Variants in IL4R observed in about 807,000 individuals in gnomAD.
IL4R encodes the protein interleukin 4 receptor.
A neutral mutation model predicts 41.5 loss-of-function variants in IL4R; 17 were observed. The ratio of observed to expected loss-of-function variants is 0.41; its 90% CI spans 0.28 to 0.61. IL4R has a LOEUF of 0.61. Among genes scored for constraint, IL4R ranks in the 20% least tolerant of loss-of-function variants. IL4R has a pLI of 0.31. For synonymous variants in IL4R, 402 were observed against 422.9 expected (o/e 0.95, Z 0.61); for missense variants, 974 against 1,043.1 (o/e 0.93, Z 0.91).
chr16:27,325,238 T>C (rs900543520), intron 1 of IL4R, among the ~76,000 whole-genome samples: 2 of 151,944 alleles, frequency 1.3e-5, no homozygotes, highest in Non-Finnish European at 2.9e-5. Context: ...ATTCGCTGGG[T>C]CTTCCCTCAT....
intron 9 of IL4R, among the ~76,000 whole-genome samples, chr16:27,360,330 A>T (rs749554316): frequency 1.3e-5 from 2 of 152,144 alleles, no homozygotes; most frequent in African/African-American, 2.4e-5. Flanking sequence ...GCTGACTTTT[A>T]CCTGGGACAG....
chr16:27,361,447 C>CA (rs1031753622), intron 10 of IL4R, among the ~76,000 whole-genome samples: 1 of 151,252 alleles, frequency 6.6e-6, no homozygotes, highest in Non-Finnish European at 1.5e-5. Context: ...ACTCTTGTCT[C>CA]AAAAAAAATA....
intron 2 of IL4R, among the ~76,000 whole-genome samples, chr16:27,336,603 G>A (rs1458247213): frequency 2.0e-5 from 3 of 151,148 alleles, no homozygotes; most frequent in Non-Finnish European, 4.4e-5. Flanking sequence ...GCTTGAGCCC[G>A]GGAGGTGGAG....
At chr16:27,331,290 C>A (rs908199592) in intron 2 of IL4R, among the ~76,000 whole-genome samples, 3 of 152,074 alleles carry the variant, frequency 2.0e-5, no homozygotes, top group Admixed American at 1.3e-4. Context: ...GACTTCTAGA[C>A]AGATAGTAGT....
At chr16:27,325,201 G>A (rs556874236) in intron 1 of IL4R, among the ~76,000 whole-genome samples, 2 of 151,088 alleles carry the variant, frequency 1.3e-5, no homozygotes, top group African/African-American at 4.8e-5. Flanking sequence ...GGTGGGAAGT[G>A]GGCCGTGCCC....
Position 27,363,137 on chromosome 16 carries a change from G to T in IL4R, c.1785G>T (p.Leu595Phe). The T allele has an allele frequency of 1.2e-6, 2 of 1,613,714 alleles. No homozygotes were observed. Among genetic ancestry groups the T allele is most frequent in the Non-Finnish European group, 8.5e-7 (1 of 1,179,878 alleles). Residue 595 changes from leucine to phenylalanine, a missense_variant, in exon 11 of 11, where the codon TTG becomes TTT. Leu to Phe is a conservative substitution (Grantham distance 22). Coordinates refer to ENST00000395762, the MANE Select transcript of IL4R (RefSeq NM_000418.4). ...GGTQASAVVG[L>F]GPPGEAGYKA... ...CCCAGGCCAGTGCGGTGGTGGGCTT[G>T]GGTCCCCCAGGAGAGGCTGGTTACA...
intron 8 of IL4R, among the ~76,000 whole-genome samples, chr16:27,358,647 T>TG (rs2086178034): frequency 6.6e-6 from 1 of 152,180 alleles, no homozygotes; most frequent in African/African-American, 2.4e-5. Context: ...CTGTGCTGGG[T>TG]AACAGAATGC....
At chr16:27,314,890 G>T (rs907068276) in intron 1 of IL4R, among the ~76,000 whole-genome samples, 3 of 152,116 alleles carry the variant, frequency 2.0e-5, no homozygotes, top group Non-Finnish European at 2.9e-5. Flanking sequence ...GTCTCACTAT[G>T]TTGTCCAGGC....
intron 1 of IL4R, among the ~76,000 whole-genome samples, chr16:27,328,594 T>C (rs1385172692): frequency 1.3e-5 from 2 of 152,200 alleles, no homozygotes; most frequent in Non-Finnish European, 2.9e-5. Flanking sequence ...ATTGTACACA[T>C]GCTATGCCTG....
Position 27,362,340 on chromosome 16 carries a change from G to A in IL4R, c.988G>A (p.Glu330Lys), listed in dbSNP as rs779715579. ...RDEDPHKAAK[E>K]MPFQGSGKSA... The stretch of plus-strand genomic sequence containing the variant: ...TGAAGATCCTCACAAGGCTGCCAAA[G>A]AGATGCCTTTCCAGGGCTCTGGAAA... Residue 330 changes from glutamate (E) to lysine (K), a missense_variant, in exon 11 of 11, where the codon GAG becomes AAG. Physicochemically the swap from Glu to Lys is moderately conservative, Grantham distance 56. Transcript: ENST00000395762. 22 of 1,614,220 alleles carry A rather than the reference G, an allele frequency of 1.4e-5. No homozygotes were observed. Among genetic ancestry groups the A allele is most frequent in the East Asian group, 2.2e-5 (1 of 44,874 alleles).
rs115310233 is a variant in IL4R, at chr16:27,358,968, G to A, written c.823G>A (p.Val275Met). Residue 275 changes from valine to methionine, a missense_variant, in exon 9 of 11, where the codon GTG (valine) becomes ATG (methionine). Coordinates refer to ENST00000395762, the MANE Select transcript of IL4R (RefSeq NM_000418.4). ...QIPNPARSRLVAIIIQDAQGS... is the reference protein window; with the variant it reads ...QIPNPARSRLMAIIIQDAQGS... Reference sequence around the variant, plus strand: ...TCCCAACCCAGCCCGCAGCCGCCTCGTGGCTATAATAATCCAGGATGCTCA... The same window carrying A: ...TCCCAACCCAGCCCGCAGCCGCCTCATGGCTATAATAATCCAGGATGCTCA... 2.4e-5 allele frequency: 38 copies of A among 1,613,918 alleles called. No individual in the cohort carries two copies. The highest frequency in any genetic ancestry group is 2.8e-5 in the Non-Finnish European group (33 of 1,179,822).
rs372647430 is a variant in IL4R, at chr16:27,338,800, C to T, written c.-18-1386C>T. On this transcript the variant is annotated intron_variant, in intron 2 of 10. Transcript: ENST00000395762. Reference sequence around the variant, plus strand: ...TCACCAGATCTGGATCTCCTAGTGTCGTGATCTTGGACTTCCCAGTCTCCA... The same window carrying T: ...TCACCAGATCTGGATCTCCTAGTGTTGTGATCTTGGACTTCCCAGTCTCCA... 1.2e-4 allele frequency among the ~76,000 whole-genome samples: 18 copies of T among 152,000 alleles called. 2 individuals are homozygous for T. The East Asian group carries it at 1.7e-3, about 15-fold the overall frequency.
At chr16:27,356,054 A>G in intron 8 of IL4R, 147 bp downstream of exon 8, 1 of 533,670 alleles carries the variant, frequency 1.9e-6, no homozygotes, top group South Asian at 2.4e-5. Context: ...AGTAGAGCTG[A>G]GAACATATCG....
intron 2 of IL4R, among the ~76,000 whole-genome samples, chr16:27,339,704 A>G (rs1285935779): frequency 1.3e-5 from 2 of 152,088 alleles, no homozygotes; most frequent in Admixed American, 6.6e-5. Flanking sequence ...GTGTTGTTTC[A>G]TGATTATAGA....
At chr16:27,360,669 G>T (rs549257726) in intron 9 of IL4R, 97 bp from the exon 10 acceptor site, 1 of 1,431,600 alleles carries the variant, frequency 7.0e-7, no homozygotes, top group African/African-American at 1.4e-5. Flanking sequence ...TCTGATCTGT[G>T]TGATGTCGAG....
intron 1 of IL4R, among the ~76,000 whole-genome samples, chr16:27,327,051 T>C (rs1185518754): frequency 1.3e-5 from 2 of 152,088 alleles, no homozygotes; most frequent in Non-Finnish European, 2.9e-5. Context: ...TTCTTATAAG[T>C]AGCATGACTA....
intron 6 of IL4R, among the ~76,000 whole-genome samples, chr16:27,348,012 G>C (rs1172029627): frequency 1.3e-5 from 2 of 152,190 alleles, no homozygotes; most frequent in Admixed American, 6.5e-5. Flanking sequence ...GTTCCTTGAG[G>C]TTTGTGAGGG....
Position 27,360,780 on chromosome 16 carries a change from G to A in IL4R, c.864G>A (p.Glu288=), listed in dbSNP as rs149570990. 6.2e-7 allele frequency: 1 copy of A among 1,614,164 alleles called. No homozygotes were observed. Among genetic ancestry groups the A allele is most frequent in the African/African-American group, 1.3e-5 (1 of 75,040 alleles). The part of the protein sequence containing the change: ...IIQDAQGSQW[E]KRSRGQEPAK... ...CTGTATTTTAGGGGTCACAGTGGGA[G>A]AAGCGGTCCCGAGGCCAGGAACCAG... Residue 288 remains glutamate (E), a synonymous_variant, in exon 10 of 11, where the codon GAG becomes GAA. Coordinates refer to ENST00000395762, the MANE Select transcript of IL4R (RefSeq NM_000418.4).
At chr16:27,350,129 T>C (rs1055012559) in intron 6 of IL4R, among the ~76,000 whole-genome samples, 15 of 152,196 alleles carry the variant, frequency 9.9e-5, no homozygotes, top group African/African-American at 3.6e-4. Context: ...CTCTCAGAGA[T>C]GGTCTCCCAA....
Sources: allele counts gnomAD v4.1 joint callset (sites outside exome capture counted in the v4.1 genomes callset), GRCh38; gene constraint gnomAD v4.1.1; transcripts MANE v1.5; gene names NCBI Gene and HGNC (gene_info 2026-07-23, HGNC 2026-07-21).